The following FANK1 variants were observed in gnomAD, a reference collection of about 807,000 sequenced individuals.
FANK1 encodes fibronectin type III and ankyrin repeat domains 1, also known as fibronectin type 3 and ankyrin repeat domains protein 1.
A neutral mutation model predicts 45.3 loss-of-function variants in FANK1; 44 were observed. That is an observed-to-expected ratio of 0.97 (90% confidence interval 0.76 to 1.25). FANK1 has a LOEUF of 1.25. FANK1 is among the 50% of genes most tolerant of loss of function. The probability of loss-of-function intolerance (pLI) is 0.00; values close to 1 mark genes in which losing one functional copy is unlikely to be tolerated. For missense variants in FANK1, 391 were observed against 424.4 expected, an observed-to-expected ratio of 0.92 and a Z score of 0.69; for synonymous variants, 149 against 152.5, an observed-to-expected ratio of 0.98 and a Z score of 0.17.
intron 1 of FANK1, among the ~76,000 whole-genome samples, chr10:125,953,725 T>A (rs1215511151): frequency 6.6e-6 from 1 of 152,168 alleles, no homozygotes; most frequent in East Asian, 1.9e-4. Context: ...AAATTCAGCA[T>A]AGCTTTGTGG....
At chr10:125,945,430 C>A (rs947384237) in intron 1 of FANK1, among the ~76,000 whole-genome samples, 7 of 152,192 alleles carry the variant, frequency 4.6e-5, no homozygotes, top group Admixed American at 6.5e-5. Context: ...GAGGCATTGC[C>A]TCACTTGGGA....
intron 1 of FANK1, among the ~76,000 whole-genome samples, chr10:125,904,253 G>A (rs1256190438): frequency 1.3e-5 from 2 of 152,184 alleles, no homozygotes; most frequent in East Asian, 3.8e-4. Context: ...TTAAAAGGTT[G>A]TATACCTACT....
intron 1 of FANK1, among the ~76,000 whole-genome samples, chr10:125,909,563 A>G (rs929250279): frequency 2.2e-4 from 33 of 147,180 alleles, no homozygotes; most frequent in African/African-American, 6.3e-4. Flanking sequence ...CACTTAGGCT[A>G]TAGTGCAGTG....
intron 1 of FANK1, among the ~76,000 whole-genome samples, chr10:125,955,273 C>A (rs185033032): frequency 9.2e-5 from 14 of 152,092 alleles, no homozygotes; most frequent in Non-Finnish European, 1.9e-4. Flanking sequence ...CCCACCTCCC[C>A]GACAGACCCC....
chr10:125,904,546 G>A (rs1945321813), intron 1 of FANK1, among the ~76,000 whole-genome samples: 1 of 151,868 alleles, frequency 6.6e-6, no homozygotes, highest in African/African-American at 2.4e-5. Context: ...AGCCTCTTGA[G>A]TAGCTGGGAC....
At chr10:125,932,535 T>G (rs1481064914) in intron 1 of FANK1, among the ~76,000 whole-genome samples, 1 of 152,178 alleles carries the variant, frequency 6.6e-6, no homozygotes, top group African/African-American at 2.4e-5. Context: ...AGCTACTGAT[T>G]TGGGTACATT....
At chr10:125,955,760 C>T (rs1039514477) in intron 1 of FANK1, among the ~76,000 whole-genome samples, 16 of 152,182 alleles carry the variant, frequency 1.1e-4, no homozygotes, top group African/African-American at 3.9e-4. Context: ...GTGTGAGCCA[C>T]TGTGCCTGGC....
At chr10:125,963,862 T>C (rs1391509749) in intron 1 of FANK1, among the ~76,000 whole-genome samples, 1 of 152,090 alleles carries the variant, frequency 6.6e-6, no homozygotes, top group Non-Finnish European at 1.5e-5. Context: ...CTGCACGTTG[T>C]ACACATGTAC....
chr10:125,989,462 T>C, intron 3 of FANK1: 1 of 1,086,384 alleles, frequency 9.2e-7, no homozygotes, highest in South Asian at 1.3e-5. Context: ...GTGCTTTCCA[T>C]GGCTTTCAAC....
intron 1 of FANK1, among the ~76,000 whole-genome samples, chr10:125,967,298 T>C (rs1314648990): frequency 6.6e-6 from 1 of 152,218 alleles, no homozygotes; most frequent in Non-Finnish European, 1.5e-5. Context: ...GCTTGTTGCA[T>C]GGACTCCCCG....
rs751269580 is a variant in FANK1, at chr10:126,008,488, C to G, written c.787C>G (p.Leu263Val). ...AVSGNQRVAS[L>V]LIDAGANVNV... ...GTCGGGAAATCAGAGGGTGGCCTCT[C>G]TTCTAATTGATGCTGGGGCCAATGT... The change falls in exon 8 of 11, where the codon CTT becomes GTT. Residue 263 changes from leucine (L) to valine (V), a missense_variant. Physicochemically the swap from Leu to Val is conservative, Grantham distance 32 (BLOSUM62 1). Coordinates refer to ENST00000368693, the MANE Select transcript of FANK1 (RefSeq NM_145235.5). The G allele has an allele frequency of 3.7e-6, 6 of 1,613,476 alleles. No individual in the cohort carries two copies. The highest frequency in any genetic ancestry group is 4.2e-6 in the Non-Finnish European group (5 of 1,179,816).
At chr10:125,947,125 G>A (rs1375421072) in intron 1 of FANK1, among the ~76,000 whole-genome samples, 43 of 151,102 alleles carry the variant, frequency 2.8e-4, no homozygotes, top group African/African-American at 1.0e-3. Flanking sequence ...GCTAAACATG[G>A]AAAGGAACAA....
At chr10:125,933,690 T>G (rs1947896541) in intron 1 of FANK1, among the ~76,000 whole-genome samples, 1 of 152,184 alleles carries the variant, frequency 6.6e-6, no homozygotes, top group African/African-American at 2.4e-5. Context: ...TTTGGTTTGT[T>G]CTTGGCTCTC....
chr10:125,993,313 T>G (rs1232463212), intron 3 of FANK1, among the ~76,000 whole-genome samples: 1 of 152,206 alleles, frequency 6.6e-6, no homozygotes, highest in Non-Finnish European at 1.5e-5. Context: ...CAGAGACTTT[T>G]ATAAACATAC....
chr10:126,005,195 A>G, intron 7 of FANK1, 146 bp downstream of exon 7: 1 of 872,358 alleles, frequency 1.1e-6, no homozygotes, highest in African/African-American at 1.7e-5. Context: ...AGCCCCTGAA[A>G]CCTTAGAATG....
intron 1 of FANK1, among the ~76,000 whole-genome samples, chr10:125,917,313 A>C (rs1453343195): frequency 6.6e-6 from 1 of 152,202 alleles, no homozygotes. Flanking sequence ...TTAACCAATC[A>C]GGTTTTTCTA....
Position 125,989,261 on chromosome 10 carries a change from A to G in FANK1, c.316+586A>G, listed in dbSNP as rs1443625982. The G allele has an allele frequency of 2.6e-6, 4 of 1,547,436 alleles. No homozygotes were observed. The East Asian group carries it at 7.3e-5, about 28-fold the overall frequency. On this transcript the variant is annotated intron_variant, in intron 3 of 10. Transcript: ENST00000368693. ...AGATTGGTATTTTAAAGCATTTTAA[A>G]GATGCTATCTATGTCCAGGGCCATC...
At chr10:125,981,744 C>T (rs1335645091) in intron 2 of FANK1, among the ~76,000 whole-genome samples, 2 of 152,084 alleles carry the variant, frequency 1.3e-5, no homozygotes, top group Non-Finnish European at 2.9e-5. Context: ...ATGGTAACAT[C>T]TTTGAAAATA....
chr10:126,008,421 C>CACTG lies in FANK1; in HGVS notation c.721_724dup (p.Gly242AspfsTer26), dbSNP rs761248758. 1 of 1,605,248 alleles carries CACTG rather than the reference C, an allele frequency of 6.2e-7. No individual in the cohort carries two copies. The highest frequency in any genetic ancestry group is 8.5e-7 in the Non-Finnish European group (1 of 1,176,458). ...TGGCCCAACAGGTAGACGTCGTGGA[C>CACTG]ACTGGTTCAGGATGGACCCCACTCA... is the stretch of plus-strand genomic sequence containing the variant. On this transcript the variant is annotated frameshift_variant, in exon 8 of 11. Transcript: ENST00000368693. LOFTEE classifies it high-confidence loss of function.
Sources: allele counts gnomAD v4.1 joint callset (sites outside exome capture counted in the v4.1 genomes callset), GRCh38; gene constraint gnomAD v4.1.1; transcripts MANE v1.5; gene names NCBI Gene and HGNC (gene_info 2026-07-23, HGNC 2026-07-21).